MYRF: variants seen among roughly 807,000 people sequenced by gnomAD.
MYRF encodes myelin gene regulatory factor.
MYRF carries 16 observed loss-of-function variants against 126.3 expected under a neutral mutation model. The observed-to-expected ratio is 0.13, with a 90% confidence interval of 0.09 to 0.19. The LOEUF is 0.19. Ranked by LOEUF, MYRF falls within the 10% of genes least tolerant of loss-of-function variation. The pLI, the probability that MYRF is intolerant of heterozygous loss-of-function variation, is 1.00. For synonymous variants in MYRF, 608 were observed against 635.3 expected (o/e 0.96, Z 0.65); for missense variants, 1,104 against 1,547.0 (o/e 0.71, Z 4.80).
intron 1 of MYRF, among the ~76,000 whole-genome samples, chr11:61,752,997 C>T (rs1254419989): frequency 6.6e-6 from 1 of 152,074 alleles, no homozygotes; most frequent in Non-Finnish European, 1.5e-5. Context: ...GGCTCCCCCT[C>T]CCCGCTCCTC....
chr11:61,778,803 C>G lies in MYRF; in HGVS notation c.2013+314C>G, dbSNP rs2066459611. 3 of 571,776 alleles carry G rather than the reference C, an allele frequency of 5.2e-6. No homozygotes were observed. The highest frequency in any genetic ancestry group is 9.9e-6 in the Non-Finnish European group (3 of 301,956). 35.4% of individuals were successfully genotyped at this position (571,776 alleles called of 1,614,324 possible). A position where few individuals can be genotyped will look rare whatever the true frequency, so the allele number is the denominator to read the frequency against. On this transcript the variant is annotated intron_variant, in intron 14 of 26. Coordinates refer to ENST00000278836, the MANE Select transcript of MYRF (RefSeq NM_001127392.3). This position sits in a 1 kb window ranked among gnomAD's most constrained non-coding sequence, Gnocchi z 4.6. ...TGCACAGACATCCTCGTATGGTTACCTCCAGGCTGAAATACGTGGTTTATT... is the reference window on the plus strand; with the variant it reads ...TGCACAGACATCCTCGTATGGTTACGTCCAGGCTGAAATACGTGGTTTATT...
At chr11:61,775,405 A>G (rs1282906441) in intron 8 of MYRF, among the ~76,000 whole-genome samples, 1 of 152,068 alleles carries the variant, frequency 6.6e-6, no homozygotes, top group African/African-American at 2.4e-5. Flanking sequence ...GGCAGACTCC[A>G]TGCTGGTCCC....
chr11:61,769,734 TG>T (rs2066156926), intron 4 of MYRF, among the ~76,000 whole-genome samples: 2 of 152,092 alleles, frequency 1.3e-5, no homozygotes, highest in Admixed American at 1.3e-4. Flanking sequence ...CAGTCCGGAT[TG>T]GGGTCAAGAG....
In MYRF at chr11:61,783,897, C is replaced by T. The variant is rs1483374800; in HGVS notation, c.3166C>T (p.Leu1056=). ...CATCCCTGTCAGTAGTGGCACCCCA[C>T]TGCACCTCAGCCTGACTCTGCAGAT... is the stretch of plus-strand genomic sequence containing the variant. The part of the protein sequence containing the change: ...YHIPVSSGTP[L]HLSLTLQMNS... The change falls in exon 24 of 27, where the codon CTG becomes TTG. Residue 1056 remains leucine, a synonymous_variant. Coordinates refer to ENST00000278836, the MANE Select transcript of MYRF (RefSeq NM_001127392.3). The surrounding 1 kb of genome is among the most constrained non-coding windows in gnomAD (Gnocchi z 4.6). The T allele has an allele frequency of 6.2e-7, 1 of 1,609,146 alleles. No homozygotes were observed. Among genetic ancestry groups the T allele is most frequent in the East Asian group, 2.2e-5 (1 of 44,808 alleles).
rs1565285295 is a variant in MYRF, at chr11:61,765,720, G to GC, written c.134+13dup. ...GGAGGATGCCTCCGACCTGTGAGTG[G>GC]CCCCCTCGCCCGGCCTGCACCCGCC... On this transcript the variant is annotated intron_variant, in intron 2 of 26. Coordinates refer to ENST00000278836, the MANE Select transcript of MYRF (RefSeq NM_001127392.3). 6.2e-7 allele frequency: 1 copy of GC among 1,608,380 alleles called. No individual in the cohort carries two copies. Among genetic ancestry groups the GC allele is most frequent in the Non-Finnish European group, 8.5e-7 (1 of 1,177,746 alleles).
chr11:61,770,653 G>T, intron 5 of MYRF, 128 bp downstream of exon 5: 1 of 872,346 alleles, frequency 1.1e-6, no homozygotes. Flanking sequence ...AGAAGGCTCT[G>T]CAGGGCAGAT....
intron 25 of MYRF, chr11:61,784,600 G>A (rs2066644938): frequency 1.8e-6 from 1 of 558,844 alleles, no homozygotes; most frequent in Non-Finnish European, 3.2e-6. Context: ...TCCCAGCCCT[G>A]CCGTGCTGGA....
chr11:61,755,633 AC>A (rs2065729632), intron 1 of MYRF: 6 of 742,458 alleles, frequency 8.1e-6, no homozygotes, highest in Non-Finnish European at 1.5e-5. Flanking sequence ...CTTTTTCCTC[AC>A]CTGCAAGACA....
rs1158060329 is a variant in MYRF, at chr11:61,781,676, G to C, written c.2868G>C (p.Glu956Asp). ...ACTCCAAGCATCACAAGAGTCTGGA[G>C]CCTCTGGCCAGCCCTGCAGTCCCCT... ...IGHSKHHKSL[E>D]PLASPAVPFP... is the part of the protein sequence containing the mutation. The change falls in exon 22 of 27, where the codon GAG becomes GAC. Residue 956 changes from glutamate to aspartate, a missense_variant. Glu to Asp is a conservative substitution (Grantham distance 45). Transcript: ENST00000278836. The C allele has an allele frequency of 1.2e-6, 2 of 1,613,602 alleles. No homozygotes were observed. The highest frequency in any genetic ancestry group is 1.7e-6 in the Non-Finnish European group (2 of 1,180,036).
Position 61,776,710 on chromosome 11 carries a change from T to C in MYRF, c.1500-77T>C. 8.6e-7 allele frequency: 1 copy of C among 1,163,688 alleles called. No homozygotes were observed. Among genetic ancestry groups the C allele is most frequent in the Non-Finnish European group, 1.2e-6 (1 of 820,954 alleles). 72.1% of individuals were successfully genotyped at this position (1,163,688 alleles called of 1,614,324 possible). A position where few individuals can be genotyped will look rare whatever the true frequency, so the allele number is the denominator to read the frequency against. On this transcript the variant is annotated intron_variant, in intron 10 of 26. Transcript: ENST00000278836. This position sits in a 1 kb window ranked among gnomAD's most constrained non-coding sequence, Gnocchi z 4.3. ...TCTGTAGGAGGGGGTGAGATGAACATGCATCTGGCCAGGGAAAGGGTGGCC... is the reference window on the plus strand; with the variant it reads ...TCTGTAGGAGGGGGTGAGATGAACACGCATCTGGCCAGGGAAAGGGTGGCC...
chr11:61,766,302 G>A, intron 3 of MYRF, 81 bp downstream of exon 3: 1 of 1,427,210 alleles, frequency 7.0e-7, no homozygotes, highest in Non-Finnish European at 9.3e-7. Context: ...CCTGGGAGGT[G>A]CTAGACACTG....
chr11:61,778,295 A>C lies in MYRF; in HGVS notation c.1904-85A>C, dbSNP rs1341932947. ...TGGGTTCCAGAACTTCACCCTCTCC[A>C]GTCTTGCTCCCACTGTACATTACAA... On this transcript the variant is annotated intron_variant, in intron 13 of 26. Coordinates refer to ENST00000278836, the MANE Select transcript of MYRF (RefSeq NM_001127392.3). The surrounding 1 kb of genome is among the most constrained non-coding windows in gnomAD (Gnocchi z 4.6). 5 of 910,336 alleles carry C rather than the reference A, an allele frequency of 5.5e-6. No individual in the cohort carries two copies. In the Admixed American group the frequency reaches 8.6e-5, roughly 16 times the overall value. 56.4% of individuals were successfully genotyped at this position (910,336 alleles called of 1,614,324 possible).
chr11:61,760,527 C>T (rs1414224637), intron 1 of MYRF, among the ~76,000 whole-genome samples: 1 of 152,196 alleles, frequency 6.6e-6, no homozygotes, highest in Non-Finnish European at 1.5e-5. Context: ...GACCATGCCT[C>T]AGAGGGACTT....
chr11:61,770,095 C>T (rs2066169362), intron 4 of MYRF, 151 bp from the exon 5 acceptor site: 2 of 732,498 alleles, frequency 2.7e-6, no homozygotes, highest in Admixed American at 6.6e-5. Context: ...GGTGGCTGAC[C>T]AACGGCCCTC....
intron 3 of MYRF, chr11:61,767,187 G>T (rs996365522): frequency 2.2e-6 from 1 of 456,778 alleles, no homozygotes; most frequent in Admixed American, 2.3e-5. Context: ...GGTGCCAGGG[G>T]TGAACCTTTG....
At position 61,758,005 on chromosome 11, in the gene MYRF, C is replaced by T. The variant is rs1484571114; in HGVS notation, c.46+5215C>T. Among the ~76,000 whole-genome samples the T allele has an allele frequency of 3.3e-5, 5 of 152,114 alleles. No individual in the cohort carries two copies. In the South Asian group the frequency reaches 8.3e-4, roughly 25 times the overall value. ...GGTGATGTCCGTGCAGCCTCCTTGACCTCTCTAGACCTCAGAGCCCTCACT... is the reference window on the plus strand; with the variant it reads ...GGTGATGTCCGTGCAGCCTCCTTGATCTCTCTAGACCTCAGAGCCCTCACT... On this transcript the variant is annotated intron_variant, in intron 1 of 26. Transcript: ENST00000278836.
Position 61,776,957 on chromosome 11 carries a change from G to A in MYRF, c.1590+80G>A. 8.3e-7 allele frequency: 1 copy of A among 1,207,904 alleles called. No homozygotes were observed. Among genetic ancestry groups the A allele is most frequent in the Non-Finnish European group, 1.2e-6 (1 of 867,494 alleles). 74.8% of individuals were successfully genotyped at this position (1,207,904 alleles called of 1,614,324 possible). A position where few individuals can be genotyped will look rare whatever the true frequency, so the allele number is the denominator to read the frequency against. ...CAGCAAGCAGAAGTACCCGGGTACT[G>A]AGAGTCAGGAGTGGGCATGCTCATC... On this transcript the variant is annotated intron_variant, in intron 11 of 26. Coordinates refer to ENST00000278836, the MANE Select transcript of MYRF (RefSeq NM_001127392.3). The surrounding 1 kb of genome is among the most constrained non-coding windows in gnomAD (Gnocchi z 4.3).
chr11:61,780,097 G>T (rs577311278), intron 17 of MYRF, 125 bp from the exon 18 acceptor site: 1 of 1,294,688 alleles, frequency 7.7e-7, no homozygotes, highest in East Asian at 2.5e-5. Flanking sequence ...CCCCTCTGGG[G>T]TGACCCATTT....
chr11:61,762,717 A>C (rs1358237316), intron 1 of MYRF, among the ~76,000 whole-genome samples: 1 of 152,136 alleles, frequency 6.6e-6, no homozygotes, highest in Non-Finnish European at 1.5e-5. Context: ...CGGCGTGGGA[A>C]AGAGACGACG....
Sources: allele counts gnomAD v4.1 joint callset (sites outside exome capture counted in the v4.1 genomes callset), GRCh38; gene constraint gnomAD v4.1.1; non-coding constraint Gnocchi (gnomAD v3.1); transcripts MANE v1.5; gene names NCBI Gene and HGNC (gene_info 2026-07-23, HGNC 2026-07-21).